The following ENTPD2 variants were observed in gnomAD, a reference collection of about 807,000 sequenced individuals.
ENTPD2 encodes CD39 antigen-like 1.
ENTPD2 carries 48 observed loss-of-function variants against 46.8 expected under a neutral mutation model. That is an observed-to-expected ratio of 1.03 (90% CI 0.81 to 1.30). The LOEUF is 1.30. ENTPD2 is among the 50% of genes most tolerant of loss of function. The probability of loss-of-function intolerance (pLI) is 0.00; values close to 1 mark genes in which losing one functional copy is unlikely to be tolerated. For synonymous variants in ENTPD2, 316 were observed against 286.1 expected (o/e 1.10, Z -1.06); for missense variants, 707 against 651.1 (o/e 1.09, Z -0.93).
chr9:137,050,756 G>T, intron 5 of ENTPD2, 146 bp downstream of exon 5: 2 of 1,258,540 alleles, frequency 1.6e-6, no homozygotes, highest in Non-Finnish European at 2.2e-6. Flanking sequence ...CCAGCCACTG[G>T]GCCTTTGCTC....
intron 1 of ENTPD2, 119 bp from the exon 2 acceptor site, chr9:137,052,467 C>T: frequency 2.6e-6 from 2 of 768,402 alleles, no homozygotes; most frequent in Non-Finnish European, 4.3e-6. Context: ...CAGTCATGTG[C>T]CAAGCCTCAT....
chr9:137,050,820 A>C, intron 5 of ENTPD2, 82 bp downstream of exon 5: 4 of 1,495,604 alleles, frequency 2.7e-6, no homozygotes, highest in Non-Finnish European at 3.6e-6. Flanking sequence ...AGCCTGGAGA[A>C]GCCTTCCACA....
intron 4 of ENTPD2, 28 bp from the exon 5 acceptor site, chr9:137,051,157 C>T (rs1219471566): frequency 4.3e-6 from 7 of 1,612,006 alleles, no homozygotes; most frequent in Non-Finnish European, 5.9e-6. Flanking sequence ...TGGGGTCAAC[C>T]AGGGGCCGAG....
Position 137,052,300 on chromosome 9 carries a change from A to G in ENTPD2, c.166T>C (p.Tyr56His). ...TTCTCCTTGTCTGCCGGCCACTTGT[A>G]GATAAACATGGACGTGTGTGAAGAA... ...AGSSHTSMFIYKWPADKENDT... is the reference protein window; with the variant it reads ...AGSSHTSMFIHKWPADKENDT... Residue 56 changes from tyrosine (Y) to histidine (H), a missense_variant, in exon 2 of 9, where the codon TAC becomes CAC. By Grantham distance (83) the Tyr-to-His change is moderately conservative. Transcript: ENST00000355097. The G allele has an allele frequency of 6.2e-7, 1 of 1,605,982 alleles. No homozygotes were observed. Among genetic ancestry groups the G allele is most frequent in the Non-Finnish European group, 8.5e-7 (1 of 1,175,864 alleles).
At chr9:137,051,162 G>A in intron 4 of ENTPD2, 33 bp from the exon 5 acceptor site, 1 of 1,611,952 alleles carries the variant, frequency 6.2e-7, no homozygotes, top group South Asian at 1.1e-5. Flanking sequence ...TCAACCAGGG[G>A]CCGAGGGCGC....
In ENTPD2 at chr9:137,051,483, A is replaced by C. The variant is rs1042524313; in HGVS notation, c.386+27T>G. The C allele has an allele frequency of 2.9e-5, 46 of 1,566,318 alleles. 1 individual carries two copies. Among genetic ancestry groups the C allele is most frequent in the Non-Finnish European group, 3.9e-5 (45 of 1,154,280 alleles). On this transcript the variant is annotated intron_variant, in intron 3 of 8. Coordinates refer to ENST00000355097, the MANE Select transcript of ENTPD2 (RefSeq NM_203468.3). ...GTCACAGCCAAAGGCCATCATGGGG[A>C]CAGGGCCAGGGCACAGGCACACTCA...
In ENTPD2 at chr9:137,049,927, G is replaced by A. The variant is rs771892797; in HGVS notation, c.1092C>T (p.Ala364=). The change falls in exon 7 of 9, where the codon GCC becomes GCT. Residue 364 remains alanine (A), a synonymous_variant. Transcript: ENST00000355097. ...CGGCTGCCTCCAGCTGCTGCAGGGT[G>A]GCCACGGGCAGCCCCATCGAAGTCC... ...FLRTSMGLPV[A]TLQQLEAAAV... 21 of 1,612,438 alleles carry A rather than the reference G, an allele frequency of 1.3e-5. No individual in the cohort carries two copies. Among genetic ancestry groups the A allele is most frequent in the Admixed American group, 1.0e-4 (6 of 59,982 alleles).
rs768004591 is a variant in ENTPD2 at position 137,050,898 on chromosome 9, G to A, written c.774+4C>T. Reference sequence around the variant, plus strand: ...AGTGCAGGTGAGCCAGGGTGGAGGGGCACCTGGAGGGCGCTGGCCAGCAGC... The same window carrying A: ...AGTGCAGGTGAGCCAGGGTGGAGGGACACCTGGAGGGCGCTGGCCAGCAGC... On this transcript the variant is annotated splice_donor_region_variant and intron_variant, in intron 5 of 8. Transcript: ENST00000355097. 13 of 1,609,480 alleles carry A rather than the reference G, an allele frequency of 8.1e-6. No homozygotes were observed. The Admixed American group carries it at 1.8e-4, about 23-fold the overall frequency.
chr9:137,049,844 C>T, intron 7 of ENTPD2, 26 bp downstream of exon 7: 3 of 1,602,308 alleles, frequency 1.9e-6, no homozygotes, highest in Non-Finnish European at 2.6e-6. Flanking sequence ...TCCGCACAGC[C>T]CTGAAGGAGT....
chr9:137,049,903 G>A lies in ENTPD2; in HGVS notation c.1116C>T (p.Ala372=), dbSNP rs1265201313. Residue 372 remains alanine, a synonymous_variant, in exon 7 of 9, where the codon GCC becomes GCT. Coordinates refer to ENST00000355097, the MANE Select transcript of ENTPD2 (RefSeq NM_203468.3). The part of the protein sequence containing the change: ...PVATLQQLEA[A]AVNVCNQTWA... Reference sequence around the variant, plus strand: ...AGGTCTGGTTGCAGACATTCACTGCGGCTGCCTCCAGCTGCTGCAGGGTGG... The same window carrying A: ...AGGTCTGGTTGCAGACATTCACTGCAGCTGCCTCCAGCTGCTGCAGGGTGG... 3.1e-6 allele frequency: 5 copies of A among 1,612,258 alleles called. No homozygotes were observed. The highest frequency in any genetic ancestry group is 2.2e-5 in the East Asian group (1 of 44,884).
At chr9:137,049,676 C>G in intron 7 of ENTPD2, 194 bp downstream of exon 7, 1 of 617,998 alleles carries the variant, frequency 1.6e-6, no homozygotes, top group South Asian at 2.2e-5. Context: ...CCTGGCGAAG[C>G]TTCTCCAACC....
intron 5 of ENTPD2, 90 bp downstream of exon 5, chr9:137,050,812 C>G: frequency 6.8e-7 from 1 of 1,466,388 alleles, no homozygotes. Flanking sequence ...TAAAGCCCAG[C>G]CTGGAGAAGC....
rs1832198568 is a variant in ENTPD2 at position 137,048,949 on chromosome 9, G to A, written c.1276C>T (p.Gln426Ter). The A allele has an allele frequency of 6.6e-7, 1 of 1,516,464 alleles. No individual in the cohort carries two copies. Among genetic ancestry groups the A allele is most frequent in the Non-Finnish European group, 8.8e-7 (1 of 1,130,310 alleles). 93.9% of individuals were successfully genotyped at this position (1,516,464 alleles called of 1,614,324 possible). A position where few individuals can be genotyped will look rare whatever the true frequency, so the allele number is the denominator to read the frequency against. ...DERAFGGVIF[Q>*]KKAADTAVGW... Reference sequence around the variant, plus strand: ...GCCCCGCCCCAGCCCACCTTCTTCTGGAAGATCACGCCGCCGAAGGCGCGC... The same window carrying A: ...GCCCCGCCCCAGCCCACCTTCTTCTAGAAGATCACGCCGCCGAAGGCGCGC... Residue 426 changes from glutamine to a stop codon, truncating the protein, a stop_gained, in exon 8 of 9, where the codon CAG (glutamine) becomes TAG (stop). Transcript: ENST00000355097. LOFTEE classifies it low-confidence loss of function (END_TRUNC).
At chr9:137,052,499 G>T (rs899815233) in intron 1 of ENTPD2, 151 bp from the exon 2 acceptor site, 4 of 613,914 alleles carry the variant, frequency 6.5e-6, no homozygotes, top group African/African-American at 1.9e-5. Context: ...GAGGAGGCCA[G>T]GGCCTCCTCT....
At position 137,051,000 on chromosome 9, in the gene ENTPD2, G is replaced by T. The variant is rs541605947; in HGVS notation, c.676C>A (p.Leu226Met). 3 of 1,585,794 alleles carry T rather than the reference G, an allele frequency of 1.9e-6. No individual in the cohort carries two copies. Among genetic ancestry groups the T allele is most frequent in the Non-Finnish European group, 2.6e-6 (3 of 1,168,700 alleles). Reference protein sequence around the residue: ...PAEDRASEVQLHLYGQHYRVY... With the variant: ...PAEDRASEVQMHLYGQHYRVY... ...CGGTAGTGCTGGCCGTAGAGATGCA[G>T]CTGGACCTCGCTGGCTCTGTCCTCA... The change falls in exon 5 of 9, where the codon CTG (leucine) becomes ATG (methionine). Residue 226 changes from leucine to methionine, a missense_variant. Transcript: ENST00000355097.
At chr9:137,052,415 G>A in intron 1 of ENTPD2, 67 bp from the exon 2 acceptor site, 1 of 1,319,140 alleles carries the variant, frequency 7.6e-7, no homozygotes, top group East Asian at 2.5e-5. Context: ...CACCAAACGT[G>A]AAGTTGGGTT....
chr9:137,049,534 G>A (rs1466303712), intron 7 of ENTPD2: 3 of 434,856 alleles, frequency 6.9e-6, no homozygotes, highest in Non-Finnish European at 1.2e-5. Context: ...GGAGTCTCCG[G>A]TGGGCACACT....
chr9:137,049,288 C>CAGG, intron 7 of ENTPD2: 1 of 843,842 alleles, frequency 1.2e-6, no homozygotes, highest in Non-Finnish European at 1.9e-6. Flanking sequence ...CAGCCAGCGC[C>CAGG]CATGCCTGGA....
chr9:137,049,893 C>T lies in ENTPD2; in HGVS notation c.1126G>A (p.Val376Ile). ...ACCTGAGCCCAGGTCTGGTTGCAGACATTCACTGCGGCTGCCTCCAGCTGC... is the reference window on the plus strand; with the variant it reads ...ACCTGAGCCCAGGTCTGGTTGCAGATATTCACTGCGGCTGCCTCCAGCTGC... ...LQQLEAAAVN[V>I]CNQTWAQLQA... Residue 376 changes from valine (V) to isoleucine (I), a missense_variant, in exon 7 of 9, where the codon GTC (valine) becomes ATC (isoleucine). Val to Ile is a conservative substitution (Grantham distance 29). Coordinates refer to ENST00000355097, the MANE Select transcript of ENTPD2 (RefSeq NM_203468.3). 1.9e-6 allele frequency: 3 copies of T among 1,611,950 alleles called. No individual in the cohort carries two copies. The highest frequency in any genetic ancestry group is 2.5e-6 in the Non-Finnish European group (3 of 1,179,684).
Sources: gnomAD v4.1 joint callset for allele counts on GRCh38, gnomAD v4.1.1 for gene constraint, MANE v1.5 for transcripts, NCBI Gene and HGNC (gene_info 2026-07-23, HGNC 2026-07-21) for gene names.